The following DACH1 variants were observed in gnomAD, a reference collection of about 807,000 sequenced individuals.
DACH1 encodes dachshund family transcription factor 1.
DACH1 carries 12 observed loss-of-function variants against 54.2 expected under a neutral mutation model. The observed-to-expected ratio is 0.22, with a 90% confidence interval of 0.14 to 0.36. DACH1 has a LOEUF of 0.36. Ranked by LOEUF, DACH1 falls within the 10% of genes least tolerant of loss-of-function variation. DACH1 has a pLI of 1.00. For missense variants in DACH1, 805 were observed against 929.8 expected (o/e 0.87, Z 1.75); for synonymous variants, 386 against 366.2 (o/e 1.05, Z -0.62).
At chr13:71,532,569 A>G (rs1593847052) in intron 6 of DACH1, among the ~76,000 whole-genome samples, 1 of 151,994 alleles carries the variant, frequency 6.6e-6, no homozygotes, top group South Asian at 2.1e-4. Flanking sequence ...GCTACTGATG[A>G]AGAAAGAGAT....
intron 3 of DACH1, among the ~76,000 whole-genome samples, chr13:71,598,893 A>C (rs1467329697): frequency 1.3e-5 from 2 of 152,180 alleles, no homozygotes; most frequent in South Asian, 4.1e-4. Context: ...TTTGCAAAGG[A>C]GCATAATCTT....
intron 10 of DACH1, among the ~76,000 whole-genome samples, chr13:71,446,883 C>G (rs1279283430): frequency 6.6e-6 from 1 of 152,156 alleles, no homozygotes; most frequent in African/African-American, 2.4e-5. Context: ...TGATTATTTG[C>G]TTTTGCATGG....
intron 1 of DACH1, among the ~76,000 whole-genome samples, chr13:71,842,083 C>A (rs946651658): frequency 1.3e-5 from 2 of 152,026 alleles, no homozygotes; most frequent in African/African-American, 4.8e-5. Context: ...AATCAGAAAG[C>A]CTCAGATAAC....
chr13:71,534,858 G>A (rs1040613385), intron 6 of DACH1, among the ~76,000 whole-genome samples: 4 of 151,764 alleles, frequency 2.6e-5, no homozygotes, highest in African/African-American at 7.2e-5. Context: ...ACCCATTCAA[G>A]TAAAACTGTG....
intron 1 of DACH1, among the ~76,000 whole-genome samples, chr13:71,754,482 C>T (rs911547333): frequency 6.6e-6 from 1 of 152,094 alleles, no homozygotes; most frequent in Non-Finnish European, 1.5e-5. Context: ...CTGCTGCCAA[C>T]CTGAACTATG....
chr13:71,632,673 A>G (rs1432849793), intron 2 of DACH1, among the ~76,000 whole-genome samples: 2 of 152,062 alleles, frequency 1.3e-5, no homozygotes, highest in African/African-American at 4.8e-5. Context: ...AGAAGACTTC[A>G]CCTTTCCTTC....
intron 4 of DACH1, among the ~76,000 whole-genome samples, chr13:71,570,149 A>G (rs2138408416): frequency 6.6e-6 from 1 of 152,302 alleles, no homozygotes; most frequent in Admixed American, 6.5e-5. Flanking sequence ...AGACAGGTTG[A>G]TTTGTTAACT....
Position 71,664,644 on chromosome 13 carries a change from G to T in DACH1, c.964+17151C>A, listed in dbSNP as rs565218566. Reference sequence around the variant, plus strand: ...ACTGGTGTACCACATTTTCAAAAATGGAAAGAAATAGGATATTTTGGTACA... The same window carrying T: ...ACTGGTGTACCACATTTTCAAAAATTGAAAGAAATAGGATATTTTGGTACA... On this transcript the variant is annotated intron_variant, in intron 2 of 10. Transcript: ENST00000613252. Among the ~76,000 whole-genome samples the T allele has an allele frequency of 1.7e-4, 26 of 151,954 alleles. No individual in the cohort carries two copies. The South Asian group carries it at 5.4e-3, about 32-fold the overall frequency.
intron 3 of DACH1, among the ~76,000 whole-genome samples, chr13:71,580,200 A>T (rs1046459244): frequency 4.6e-5 from 7 of 152,226 alleles, no homozygotes; most frequent in African/African-American, 1.7e-4. Context: ...ACAGTTCTTC[A>T]AAATAAAGCA....
chr13:71,814,152 C>T (rs1594252617), intron 1 of DACH1, among the ~76,000 whole-genome samples: 1 of 152,150 alleles, frequency 6.6e-6, no homozygotes, highest in South Asian at 2.1e-4. Context: ...TTTCATTGTG[C>T]TTGTCTATAA....
At chr13:71,464,256 T>G (rs1016476910) in intron 10 of DACH1, among the ~76,000 whole-genome samples, 3 of 152,030 alleles carry the variant, frequency 2.0e-5, no homozygotes, top group South Asian at 2.1e-4. Flanking sequence ...TTATAAATCT[T>G]ATTTTTAAAA....
Position 71,685,417 on chromosome 13 carries a change from A to G in DACH1, c.849-3507T>C, listed in dbSNP as rs545927939. On this transcript the variant is annotated intron_variant, in intron 1 of 10. Coordinates refer to ENST00000613252, the MANE Select transcript of DACH1 (RefSeq NM_080759.6). ...ATTAGGTGAGATGCCTTTGCGAAGA[A>G]TGAAAGGGACTGAAAGAAAATACTT... Among the ~76,000 whole-genome samples, 10 of 152,334 alleles carry G rather than the reference A, an allele frequency of 6.6e-5. No individual in the cohort carries two copies. In the South Asian group the frequency reaches 2.1e-3, roughly 32 times the overall value.
chr13:71,517,238 A>G (rs547898500), intron 6 of DACH1, among the ~76,000 whole-genome samples: 103 of 151,946 alleles, frequency 6.8e-4, no homozygotes, highest in Non-Finnish European at 1.2e-3. Flanking sequence ...ACTGTTATCA[A>G]ATGGTTGTAA....
chr13:71,863,697 A>C (rs1874503360), intron 1 of DACH1, among the ~76,000 whole-genome samples: 1 of 152,014 alleles, frequency 6.6e-6, no homozygotes, highest in Admixed American at 6.6e-5. Flanking sequence ...CTAGGCAAAA[A>C]TTCAGGGAAT....
intron 1 of DACH1, among the ~76,000 whole-genome samples, chr13:71,758,979 C>T (rs1450208304): frequency 6.6e-6 from 1 of 151,238 alleles, no homozygotes; most frequent in African/African-American, 2.4e-5. Flanking sequence ...CCTTGCTCTG[C>T]CCTTGTCATC....
At chr13:71,543,999 C>T (rs980265097) in intron 6 of DACH1, among the ~76,000 whole-genome samples, 1 of 151,980 alleles carries the variant, frequency 6.6e-6, no homozygotes, top group African/African-American at 2.4e-5. Context: ...GGCATTTTAT[C>T]CTCAGCCATA....
At chr13:71,691,692 T>A (rs530688880) in intron 1 of DACH1, among the ~76,000 whole-genome samples, 1 of 152,324 alleles carries the variant, frequency 6.6e-6, no homozygotes, top group Admixed American at 6.5e-5. Flanking sequence ...CTGTAGCAGA[T>A]TTGCATGTTA....
intron 1 of DACH1, among the ~76,000 whole-genome samples, chr13:71,778,420 G>A (rs1420143068): frequency 6.6e-6 from 1 of 151,938 alleles, no homozygotes; most frequent in African/African-American, 2.4e-5. Context: ...CCTGATTTCT[G>A]TTTTCAAACT....
At chr13:71,602,569 T>C (rs1874574099) in intron 3 of DACH1, among the ~76,000 whole-genome samples, 2 of 152,002 alleles carry the variant, frequency 1.3e-5, no homozygotes, top group Non-Finnish European at 2.9e-5. Flanking sequence ...AATTATACCA[T>C]GAACCCAGCA....
Sources: allele counts gnomAD v4.1 joint callset (sites outside exome capture counted in the v4.1 genomes callset), GRCh38; gene constraint gnomAD v4.1.1; transcripts MANE v1.5; gene names NCBI Gene and HGNC (gene_info 2026-07-23, HGNC 2026-07-21).